PCDHGB4: variants seen among roughly 807,000 people sequenced by gnomAD.
The protein encoded by PCDHGB4 is protocadherin gamma-B4.
In PCDHGB4, 38 loss-of-function variants were observed where a neutral mutation model predicts 60.5. That is an observed-to-expected ratio of 0.63 (90% CI 0.48 to 0.82). The LOEUF (loss-of-function observed/expected upper bound fraction) is 0.82, where lower values mean the gene tolerates loss of function less well. PCDHGB4 is among the 40% of genes least tolerant of loss of function. The pLI is 0.00. For missense variants in PCDHGB4, 1,109 were observed against 1,209.6 expected (o/e 0.92, Z 1.23); for synonymous variants, 456 against 509.7 (o/e 0.89, Z 1.42).
At chr5:141,507,865 T>C (rs2099864402) in intron 3 of PCDHGB4, among the ~76,000 whole-genome samples, 1 of 152,128 alleles carries the variant, frequency 6.6e-6, no homozygotes. Context: ...CACACCCGCT[T>C]CCTAGCCCTG....
At chr5:141,404,488 T>A in intron 1 of PCDHGB4, 1 of 1,613,536 alleles carries the variant, frequency 6.2e-7, no homozygotes, top group Non-Finnish European at 8.5e-7. Context: ...CAGACACTGG[T>A]GTGCTGTATG....
intron 1 of PCDHGB4, chr5:141,413,463 G>A: frequency 6.2e-7 from 1 of 1,614,128 alleles, no homozygotes; most frequent in African/African-American, 1.3e-5. Flanking sequence ...GGATAGACCG[G>A]GAGGAGCTCT....
chr5:141,425,221 C>T (rs2096862694), intron 1 of PCDHGB4, among the ~76,000 whole-genome samples: 1 of 152,068 alleles, frequency 6.6e-6, no homozygotes, highest in African/African-American at 2.4e-5. Context: ...TGTACTTTGA[C>T]TGGAATTAGT....
At chr5:141,450,460 TTATA>T (rs1234300844) in intron 1 of PCDHGB4, among the ~76,000 whole-genome samples, 1 of 152,104 alleles carries the variant, frequency 6.6e-6, no homozygotes, top group Non-Finnish European at 1.5e-5. Flanking sequence ...CCTCGTGATT[TTATA>T]TATAGAGTTT....
chr5:141,390,130 C>T lies in PCDHGB4; in HGVS notation c.2246C>T (p.Ser749Phe). The change falls in exon 1 of 4, where the codon TCC becomes TTC. Residue 749 changes from serine (S) to phenylalanine (F), a missense_variant. By Grantham distance (155) the Ser-to-Phe change is radical. Coordinates refer to ENST00000519479, the MANE Select transcript of PCDHGB4 (RefSeq NM_003736.4). The part of the protein sequence containing the change: ...PNYSEGTLPY[S>F]YNLCVAHTGK... Reference sequence around the variant, plus strand: ...TACAGCGAGGGGACTTTGCCTTATTCCTACAATCTATGTGTTGCACATACA... The same window carrying T: ...TACAGCGAGGGGACTTTGCCTTATTTCTACAATCTATGTGTTGCACATACA... 6.2e-7 allele frequency: 1 copy of T among 1,614,034 alleles called. No individual in the cohort carries two copies. Among genetic ancestry groups the T allele is most frequent in the Non-Finnish European group, 8.5e-7 (1 of 1,179,898 alleles).
At chr5:141,409,919 G>A in intron 1 of PCDHGB4, 1 of 1,613,346 alleles carries the variant, frequency 6.2e-7, no homozygotes, top group Non-Finnish European at 8.5e-7. Flanking sequence ...TGACGGCTCC[G>A]CGTTCTTCGA....
intron 1 of PCDHGB4, among the ~76,000 whole-genome samples, chr5:141,430,040 T>C (rs1449876504): frequency 1.3e-5 from 2 of 152,232 alleles, no homozygotes; most frequent in African/African-American, 2.4e-5. Flanking sequence ...ATTCTGATAA[T>C]GTATACAATC....
chr5:141,394,208 C>T (rs972602841), intron 1 of PCDHGB4: 2 of 1,613,814 alleles, frequency 1.2e-6, no homozygotes, highest in African/African-American at 1.3e-5. Context: ...TAGAGAACAA[C>T]CTGAGAGGAG....
chr5:141,415,959 C>T, intron 1 of PCDHGB4: 3 of 443,810 alleles, frequency 6.8e-6, no homozygotes, highest in Non-Finnish European at 1.1e-5. Context: ...CATATTGAAA[C>T]TCCAGCCCCT....
In PCDHGB4 at chr5:141,486,661, G is replaced by T. The variant is rs373446844; in HGVS notation, c.2398-8146G>T. ...CGCTTATCTCCTACTCACTCCTGGA[G>T]CCCAGGAATCGAGATGTATCAGCTT... is the stretch of plus-strand genomic sequence containing the variant. On this transcript the variant is annotated intron_variant, in intron 1 of 3. Transcript: ENST00000519479. The surrounding 1 kb of genome is among the most constrained non-coding windows in gnomAD (Gnocchi z 5.0). 6.2e-6 allele frequency: 10 copies of T among 1,613,836 alleles called. No individual in the cohort carries two copies. Among genetic ancestry groups the T allele is most frequent in the African/African-American group, 4.0e-5 (3 of 74,918 alleles).
In PCDHGB4 at chr5:141,486,247, C is replaced by T. The variant is rs935513223; in HGVS notation, c.2398-8560C>T. The T allele has an allele frequency of 2.5e-6, 4 of 1,614,014 alleles. No homozygotes were observed. The African/African-American group carries it at 5.3e-5, about 22-fold the overall frequency. On this transcript the variant is annotated intron_variant, in intron 1 of 3. Transcript: ENST00000519479. This position sits in a 1 kb window ranked among gnomAD's most constrained non-coding sequence, Gnocchi z 5.0. Reference sequence around the variant, plus strand: ...TCACAGTGACCTCAGAGCTTGGAACCCTCCCCGAGAGTGCAGAACCTGGCA... The same window carrying T: ...TCACAGTGACCTCAGAGCTTGGAACTCTCCCCGAGAGTGCAGAACCTGGCA...
chr5:141,500,189 TTTATTTATTTATTTATTTA>T (rs2099797567), intron 2 of PCDHGB4, among the ~76,000 whole-genome samples: 1 of 110,894 alleles, frequency 9.0e-6, no homozygotes, highest in Non-Finnish European at 1.8e-5. Flanking sequence ...TTTATTTTTA[TTTATTTATTTATTTATTTA>T]TTTATTTATT....
chr5:141,394,631 C>T (rs1402672360), intron 1 of PCDHGB4: 3 of 1,613,354 alleles, frequency 1.9e-6, no homozygotes, highest in Admixed American at 1.7e-5. Flanking sequence ...GGCTGTCCTA[C>T]CGCCTGCTCA....
intron 2 of PCDHGB4, among the ~76,000 whole-genome samples, chr5:141,503,132 CCT>C (rs1388312522): frequency 6.6e-6 from 1 of 151,994 alleles, no homozygotes; most frequent in Non-Finnish European, 1.5e-5. Flanking sequence ...TCTGGTAGCC[CCT>C]GACACAGCCC....
At chr5:141,498,971 G>GGGAGGGAAGGAAGGAAGGAA (rs2099787588) in intron 2 of PCDHGB4, among the ~76,000 whole-genome samples, 11 of 111,048 alleles carry the variant, frequency 9.9e-5, no homozygotes, top group African/African-American at 3.2e-4. Context: ...GAGGGAGGGA[G>GGGAGGGAAGGAAGGAAGGAA]GGAAGGAAGG....
chr5:141,480,578 A>G (rs1343189182), intron 1 of PCDHGB4, among the ~76,000 whole-genome samples: 1 of 133,254 alleles, frequency 7.5e-6, no homozygotes, highest in Admixed American at 7.4e-5. Context: ...GCAAGAAATA[A>G]CTGCCGCTCT....
intron 1 of PCDHGB4, among the ~76,000 whole-genome samples, chr5:141,473,757 T>C (rs993403397): frequency 6.6e-6 from 1 of 152,240 alleles, no homozygotes; most frequent in Non-Finnish European, 1.5e-5. Context: ...TTGGATACTA[T>C]GCAAAGGATT....
At chr5:141,419,602 C>G (rs757423030) in intron 1 of PCDHGB4, 3 of 1,611,874 alleles carry the variant, frequency 1.9e-6, no homozygotes, top group African/African-American at 2.7e-5. Context: ...TGCCGCGGGC[C>G]GCGCAGCCAG....
chr5:141,416,120 A>C (rs2095996372), intron 1 of PCDHGB4: 1 of 155,288 alleles, frequency 6.4e-6, no homozygotes, highest in African/African-American at 2.4e-5. Context: ...ACTACATTTT[A>C]TATATTTTTC....
Sources: allele counts gnomAD v4.1 joint callset (sites outside exome capture counted in the v4.1 genomes callset), GRCh38; gene constraint gnomAD v4.1.1; non-coding constraint Gnocchi (gnomAD v3.1); transcripts MANE v1.5; gene names NCBI Gene and HGNC (gene_info 2026-07-23, HGNC 2026-07-21).